The following C15orf40 variants were observed in gnomAD, a reference collection of about 807,000 sequenced individuals.
The protein encoded by C15orf40 is UPF0235 protein C15orf40.
Under a neutral mutation model 13.9 loss-of-function variants are expected in C15orf40, and 9 were observed. The observed-to-expected ratio is 0.65, with a 90% CI of 0.39 to 1.13. C15orf40 has a LOEUF of 1.13. C15orf40 is among the 50% of genes most tolerant of loss of function. The pLI is 0.01. For missense variants in C15orf40, 225 were observed against 188.5 expected (o/e 1.19, Z -1.13); for synonymous variants, 95 against 69.2 (o/e 1.37, Z -1.85).
intron 2 of C15orf40, 55 bp downstream of exon 2, chr15:83,010,182 G>A: frequency 6.2e-7 from 1 of 1,603,062 alleles, no homozygotes; most frequent in Non-Finnish European, 8.5e-7. Flanking sequence ...AGCAAAGGAG[G>A]GCTGTAGGAG....
chr15:82,991,815 G>C, downstream of C15orf40: 1 of 1,142,220 alleles, frequency 8.8e-7, no homozygotes, highest in Non-Finnish European at 1.2e-6. Flanking sequence ...TAGGCAAGAA[G>C]CCAGTGCTGT....
intron 2 of C15orf40, 89 bp downstream of exon 2, chr15:83,010,148 T>C (rs1364429458): frequency 5.5e-5 from 84 of 1,526,566 alleles, no homozygotes; most frequent in Non-Finnish European, 7.1e-5. Context: ...TCAACTGTCA[T>C]AGAATAAGCT....
chr15:82,996,383 G>T lies in C15orf40; in HGVS notation c.*9214C>A, dbSNP rs2031074897. 1 of 152,288 alleles carries T rather than the reference G, an allele frequency of 6.6e-6. No homozygotes were observed. The highest frequency in any genetic ancestry group is 2.4e-5 in the African/African-American group (1 of 41,472). 9.4% of individuals were successfully genotyped at this position (152,288 alleles called of 1,614,324 possible). On this transcript the variant is annotated 3_prime_UTR_variant, in exon 4 of 4. Coordinates refer to ENST00000304177, the MANE Select transcript of C15orf40 (RefSeq NM_144597.3). ...AAAGCTGGCGCGGTGGCTCACGCCT[G>T]TAATCCCAGTACTTTGGGAGGCCGA...
Position 82,996,971 on chromosome 15 carries a change from T to C in C15orf40, c.*8626A>G, listed in dbSNP as rs1428617784. On this transcript the variant is annotated 3_prime_UTR_variant, in exon 4 of 4. Transcript: ENST00000304177. ...AGGCGGAGGTTGCAGTGAGCCAAGATTGAACCACTGCACTCCAGCCTAGGC... is the reference window on the plus strand; with the variant it reads ...AGGCGGAGGTTGCAGTGAGCCAAGACTGAACCACTGCACTCCAGCCTAGGC... 2 of 149,734 alleles carry C rather than the reference T, an allele frequency of 1.3e-5. No homozygotes were observed. Among genetic ancestry groups the C allele is most frequent in the Admixed American group, 6.6e-5 (1 of 15,060 alleles). 9.3% of individuals were successfully genotyped at this position (149,734 alleles called of 1,614,324 possible). A position where few individuals can be genotyped will look rare whatever the true frequency, so the allele number is the denominator to read the frequency against.
downstream of C15orf40, chr15:82,990,660 A>T (rs1330650549): frequency 6.5e-7 from 1 of 1,530,398 alleles, no homozygotes; most frequent in Non-Finnish European, 8.9e-7. Flanking sequence ...ATAAAGCTGT[A>T]AAATAAGGAA....
downstream of C15orf40, chr15:82,990,428 T>G (rs1340133768): frequency 2.0e-6 from 1 of 495,158 alleles, no homozygotes; most frequent in Admixed American, 3.9e-5. Flanking sequence ...TCCATATGCT[T>G]AGATGTGCTC....
At chr15:83,008,935 C>G (rs1407255008) in intron 2 of C15orf40, among the ~76,000 whole-genome samples, 1 of 152,098 alleles carries the variant, frequency 6.6e-6, no homozygotes, top group Non-Finnish European at 1.5e-5. Flanking sequence ...CTTACAGAGC[C>G]CTGGGGAATA....
chr15:83,006,339 TG>T (rs2031677765), intron 3 of C15orf40: 1 of 927,818 alleles, frequency 1.1e-6, no homozygotes, highest in Non-Finnish European at 1.3e-6. Flanking sequence ...ATATAAACTT[TG>T]TAGTAAAATA....
In C15orf40 at chr15:82,998,973, G is replaced by A. The variant is rs1041751586; in HGVS notation, c.*6624C>T. 6.3e-5 allele frequency: 10 copies of A among 159,638 alleles called. No individual in the cohort carries two copies. The highest frequency in any genetic ancestry group is 1.9e-4 in the East Asian group (1 of 5,148). 9.9% of individuals were successfully genotyped at this position (159,638 alleles called of 1,614,324 possible). The stretch of plus-strand genomic sequence containing the variant: ...CACTCGTGGTTAGGGGCTGGAGACC[G>A]GCCCGGCCAACACAGCGAAACCCCG... On this transcript the variant is annotated 3_prime_UTR_variant, in exon 4 of 4. Transcript: ENST00000304177.
Position 83,010,350 on chromosome 15 carries a change from C to G in C15orf40, c.125G>C (p.Ser42Thr). The G allele has an allele frequency of 1.2e-6, 2 of 1,614,224 alleles. No individual in the cohort carries two copies. Among genetic ancestry groups the G allele is most frequent in the Non-Finnish European group, 1.7e-6 (2 of 1,180,038 alleles). ...AGGAAGTGGTCTCTCTGGTTCCTTG[C>G]TCTGGCTTTTACCCTAAAATGACAA... is the stretch of plus-strand genomic sequence containing the variant. Reference protein sequence around the residue: ...AGATTKGKSQSKEPERPLPPL... With the variant: ...AGATTKGKSQTKEPERPLPPL... The change falls in exon 2 of 4, where the codon AGC becomes ACC. Residue 42 changes from serine (S) to threonine (T), a missense_variant. Coordinates refer to ENST00000304177, the MANE Select transcript of C15orf40 (RefSeq NM_144597.3).
At chr15:83,011,320 G>A (rs2031996025) in intron 1 of C15orf40, 177 bp downstream of exon 1, 2 of 631,294 alleles carry the variant, frequency 3.2e-6, no homozygotes, top group Non-Finnish European at 4.9e-6. Flanking sequence ...TACTGAGGCG[G>A]GGCGACGGCA....
At chr15:82,990,056 G>A (rs200149891), downstream of C15orf40, 563 of 1,406,700 alleles carry the variant, frequency 4.0e-4, no homozygotes, top group Non-Finnish European at 5.0e-4. Flanking sequence ...GCCTCCTTAC[G>A]GTTACTACTG....
downstream of C15orf40, chr15:82,991,935 GTT>G: frequency 7.8e-7 from 1 of 1,288,520 alleles, no homozygotes; most frequent in Non-Finnish European, 1.0e-6. Context: ...ATATCACCTG[GTT>G]GGGTATGGTG....
chr15:83,010,093 C>A, intron 2 of C15orf40, 144 bp downstream of exon 2: 1 of 1,142,002 alleles, frequency 8.8e-7, no homozygotes, highest in Admixed American at 2.4e-5. Context: ...ACATTAGAAT[C>A]TAGAATTTTA....
chr15:82,993,109 C>T (rs2030927811), downstream of C15orf40, among the ~76,000 whole-genome samples: 1 of 152,144 alleles, frequency 6.6e-6, no homozygotes, highest in Non-Finnish European at 1.5e-5. Context: ...ACATATGTGA[C>T]CGTGAGAAAA....
At chr15:82,992,842 T>C (rs1339413488), downstream of C15orf40, among the ~76,000 whole-genome samples, 2 of 152,220 alleles carry the variant, frequency 1.3e-5, no homozygotes, top group Non-Finnish European at 2.9e-5. Context: ...GAATAATCTA[T>C]GTTGTTATGG....
chr15:82,998,009 G>C lies in C15orf40; in HGVS notation c.*7588C>G, dbSNP rs1403844307. 1 of 141,478 alleles carries C rather than the reference G, an allele frequency of 7.1e-6. No homozygotes were observed. Among genetic ancestry groups the C allele is most frequent in the African/African-American group, 2.7e-5 (1 of 37,210 alleles). The allele number at this position is 141,478 out of a possible 1,614,324, so 8.8% of individuals were successfully genotyped here. ...GGACGGGGCGGCTGGCCAGGCGGGG[G>C]GCTGACCCCCCCACCTCCCTCCCGG... On this transcript the variant is annotated 3_prime_UTR_variant, in exon 4 of 4. Transcript: ENST00000304177.
downstream of C15orf40, among the ~76,000 whole-genome samples, chr15:82,992,805 A>G (rs566392108): frequency 6.6e-6 from 1 of 152,360 alleles, no homozygotes; most frequent in South Asian, 2.1e-4. Context: ...GAAACCTTTT[A>G]ACATGAGTAA....
chr15:82,998,657 G>C lies in C15orf40; in HGVS notation c.*6940C>G, dbSNP rs1387316620. 11 of 42,060 alleles carry C rather than the reference G, an allele frequency of 2.6e-4. No individual in the cohort carries two copies. The highest frequency in any genetic ancestry group is 1.3e-3 in the African/African-American group (11 of 8,690). 2.6% of individuals were successfully genotyped at this position (42,060 alleles called of 1,614,324 possible). ...TCCTCACTTCCTAGATGGGATGGCG[G>C]CCGGGCGGAGACGCTCCTCACTTTC... On this transcript the variant is annotated 3_prime_UTR_variant, in exon 4 of 4. Transcript: ENST00000304177.
Sources: allele counts gnomAD v4.1 joint callset (sites outside exome capture counted in the v4.1 genomes callset), GRCh38; gene constraint gnomAD v4.1.1; transcripts MANE v1.5; gene names NCBI Gene and HGNC (gene_info 2026-07-23, HGNC 2026-07-21).